ZNF107: variants seen among roughly 807,000 people sequenced by gnomAD.
ZNF107 encodes C2H2 type zinc-finger protein.
In ZNF107, 19 loss-of-function variants were observed where a neutral mutation model predicts 12.3. That is an observed-to-expected ratio of 1.55 (90% confidence interval 1.08 to 2.27). The LOEUF (loss-of-function observed/expected upper bound fraction) is 2.27, where lower values mean the gene tolerates loss of function less well. ZNF107 is among the 30% of genes most tolerant of loss of function. The pLI is 0.00. For synonymous variants in ZNF107, 317 were observed against 330.5 expected (o/e 0.96, Z 0.44); for missense variants, 958 against 979.9 (o/e 0.98, Z 0.30).
chr7:64,706,956 TATG>T lies in ZNF107; in HGVS notation c.861_863del (p.Tyr287_Glu288delinsTer). On this transcript the variant is annotated stop_gained and inframe_deletion, in exon 4 of 4. Transcript: ENST00000620827. LOFTEE classifies it low-confidence loss of function (END_TRUNC). Reference sequence around the variant, plus strand: ...TCATACTGGAGAAAAACCTTACAAATATGAAGAATGTGGCAAAGTCTTTAGCCA... The same window carrying T: ...TCATACTGGAGAAAAACCTTACAAATAAGAATGTGGCAAAGTCTTTAGCCA... 6.2e-7 allele frequency: 1 copy of T among 1,613,374 alleles called. No homozygotes were observed. The highest frequency in any genetic ancestry group is 8.5e-7 in the Non-Finnish European group (1 of 1,179,718).
At chr7:64,666,561 C>T (rs1057303460) in intron 1 of ZNF107, among the ~76,000 whole-genome samples, 3 of 152,190 alleles carry the variant, frequency 2.0e-5, no homozygotes, top group Admixed American at 6.5e-5. Context: ...GGAGCCCTCT[C>T]CGGGCGGCTT....
rs761310625 is a variant in ZNF107, at chr7:64,706,687, G to C, written c.590G>C (p.Arg197Thr). 1 of 1,612,924 alleles carries C rather than the reference G, an allele frequency of 6.2e-7. No homozygotes were observed. The highest frequency in any genetic ancestry group is 8.5e-7 in the Non-Finnish European group (1 of 1,179,548). ...ACTCAGCATAGAAGAATTCATACTA[G>C]AGTGAATTCCTACAAATGTGAAGAA... ...QLTQHRRIHT[R>T]VNSYKCEECG... The change falls in exon 4 of 4, where the codon AGA becomes ACA. Residue 197 changes from arginine (R) to threonine (T), a missense_variant. Arg to Thr is a moderately conservative substitution (Grantham distance 71). Coordinates refer to ENST00000620827, the MANE Select transcript of ZNF107 (RefSeq NM_001282359.2).
At position 64,707,225 on chromosome 7, in the gene ZNF107, A is replaced by T. The variant is rs768343487; in HGVS notation, c.1128A>T (p.Lys376Asn). 6.2e-7 allele frequency: 1 copy of T among 1,613,474 alleles called. No homozygotes were observed. The highest frequency in any genetic ancestry group is 8.5e-7 in the Non-Finnish European group (1 of 1,179,728). ...GKLNKCEECDKAFNRSLKLTA... is the reference protein window; with the variant it reads ...GKLNKCEECDNAFNRSLKLTA... ...TCAACAAATGTGAAGAATGTGACAAAGCTTTTAACCGATCCTTAAAACTTA... is the reference window on the plus strand; with the variant it reads ...TCAACAAATGTGAAGAATGTGACAATGCTTTTAACCGATCCTTAAAACTTA... Residue 376 changes from lysine (K) to asparagine (N), a missense_variant, in exon 4 of 4, where the codon AAA (lysine) becomes AAT (asparagine). Physicochemically the swap from Lys to Asn is moderately conservative, Grantham distance 94. Transcript: ENST00000620827.
chr7:64,692,046 T>C, intron 3 of ZNF107, 86 bp downstream of exon 3: 1 of 928,748 alleles, frequency 1.1e-6, no homozygotes, highest in Non-Finnish European at 1.5e-6. Flanking sequence ...AAATATGATT[T>C]GGGAAGCTGT....
At chr7:64,696,925 G>A (rs550954947) in intron 3 of ZNF107, among the ~76,000 whole-genome samples, 4 of 152,016 alleles carry the variant, frequency 2.6e-5, no homozygotes, top group East Asian at 3.9e-4. Context: ...CCAGTAACTC[G>A]TCATTTACAT....
Position 64,707,866 on chromosome 7 carries a change from A to G in ZNF107, c.1769A>G (p.Glu590Gly), listed in dbSNP as rs374371124. Residue 590 changes from glutamate (E) to glycine (G), a missense_variant, in exon 4 of 4, where the codon GAG becomes GGG. By Grantham distance (98) the Glu-to-Gly change is moderately conservative. Coordinates refer to ENST00000620827, the MANE Select transcript of ZNF107 (RefSeq NM_001282359.2). Reference sequence around the variant, plus strand: ...AGACATAAGATAGTTCATACTAAAGAGAAACTCAACAAATGTGAAGAATTT... The same window carrying G: ...AGACATAAGATAGTTCATACTAAAGGGAAACTCAACAAATGTGAAGAATTT... ...LTRHKIVHTK[E>G]KLNKCEEFGK... 7.4e-6 allele frequency: 12 copies of G among 1,613,628 alleles called. No homozygotes were observed. The African/African-American group carries it at 1.6e-4, about 22-fold the overall frequency.
rs1375536793 is a variant in ZNF107, at chr7:64,707,635, A to G, written c.1538A>G (p.Glu513Gly). The part of the protein sequence containing the change: ...HTGEKPYKCE[E>G]CDRAFSQSSN... ...GGAGAGAAACCCTACAAATGTGAAGAATGTGACAGAGCTTTTAGCCAGTCT... is the reference window on the plus strand; with the variant it reads ...GGAGAGAAACCCTACAAATGTGAAGGATGTGACAGAGCTTTTAGCCAGTCT... The change falls in exon 4 of 4, where the codon GAA (glutamate) becomes GGA (glycine). Residue 513 changes from glutamate to glycine, a missense_variant. By Grantham distance (98) the Glu-to-Gly change is moderately conservative. Transcript: ENST00000620827. The G allele has an allele frequency of 1.2e-6, 2 of 1,613,014 alleles. No homozygotes were observed. The highest frequency in any genetic ancestry group is 2.7e-5 in the African/African-American group (2 of 74,904).
chr7:64,694,817 A>G (rs1790233098), intron 3 of ZNF107, among the ~76,000 whole-genome samples: 1 of 152,134 alleles, frequency 6.6e-6, no homozygotes, highest in African/African-American at 2.4e-5. Flanking sequence ...AAATTTGTCT[A>G]TAACTTCAGA....
At chr7:64,701,628 A>G (rs942151988) in intron 3 of ZNF107, among the ~76,000 whole-genome samples, 6 of 151,230 alleles carry the variant, frequency 4.0e-5, no homozygotes, top group African/African-American at 1.5e-4. Context: ...TTACTTACTC[A>G]TTCATATTTA....
At chr7:64,667,713 CCT>C (rs1336806588) in intron 1 of ZNF107, among the ~76,000 whole-genome samples, 1 of 152,028 alleles carries the variant, frequency 6.6e-6, no homozygotes, top group Non-Finnish European at 1.5e-5. Flanking sequence ...TGGAGTGTAG[CCT>C]CTCAAGGGAG....
rs1170828103 is a variant in ZNF107, at chr7:64,706,728, A to C, written c.631A>C (p.Asn211His). Residue 211 changes from asparagine (N) to histidine (H), a missense_variant, in exon 4 of 4, where the codon AAC becomes CAC. Transcript: ENST00000620827. ...YKCEECGKAF[N>H]WFSTLTKHKR... ...ATGTGAAGAATGTGGAAAAGCCTTT[A>C]ACTGGTTCTCAACTCTTACTAAACA... 1 of 1,612,688 alleles carries C rather than the reference A, an allele frequency of 6.2e-7. No homozygotes were observed. Among genetic ancestry groups the C allele is most frequent in the Admixed American group, 1.7e-5 (1 of 59,844 alleles).
chr7:64,702,222 C>G (rs894419165), intron 3 of ZNF107, among the ~76,000 whole-genome samples: 10 of 151,574 alleles, frequency 6.6e-5, no homozygotes, highest in African/African-American at 2.4e-4. Flanking sequence ...GATCTCGGCT[C>G]ACTGCAACCT....
In ZNF107 at chr7:64,708,652, C is replaced by T. The variant is rs780376127; in HGVS notation, c.2555C>T (p.Thr852Ile). The change falls in exon 4 of 4, where the codon ACT becomes ATT. Residue 852 changes from threonine (T) to isoleucine (I), a missense_variant. Physicochemically the swap from Thr to Ile is moderately conservative, Grantham distance 89. Coordinates refer to ENST00000620827, the MANE Select transcript of ZNF107 (RefSeq NM_001282359.2). ...EKPYKCEYGK[T>I] The stretch of plus-strand genomic sequence containing the variant: ...CCCTACAAATGTGAGTATGGCAAAA[C>T]TTAATTGATCCTACAAGCTTACTAC... 7.5e-6 allele frequency: 12 copies of T among 1,591,370 alleles called. No homozygotes were observed. Among genetic ancestry groups the T allele is most frequent in the East Asian group, 2.3e-5 (1 of 44,282 alleles).
intron 1 of ZNF107, among the ~76,000 whole-genome samples, chr7:64,677,670 G>A (rs1181674636): frequency 2.0e-5 from 3 of 151,328 alleles, no homozygotes; most frequent in African/African-American, 7.3e-5. Context: ...TGGCTAACAC[G>A]GTGAAACCCT....
At chr7:64,681,520 A>C in intron 1 of ZNF107, among the ~76,000 whole-genome samples, 1 of 151,266 alleles carries the variant, frequency 6.6e-6, no homozygotes, top group African/African-American at 2.4e-5. Context: ...CCAACCCTTC[A>C]CCATCCCCAC....
chr7:64,687,069 A>T (rs1427063354), intron 1 of ZNF107: 7 of 985,270 alleles, frequency 7.1e-6, no homozygotes, highest in Non-Finnish European at 8.4e-6. Context: ...TTGTTCAATC[A>T]TATCTAATCT....
At position 64,666,155 on chromosome 7, in the gene ZNF107, G is replaced by C; in HGVS notation, c.-128G>C. 1 of 1,303,362 alleles carries C rather than the reference G, an allele frequency of 7.7e-7. No individual in the cohort carries two copies. 80.7% of individuals were successfully genotyped at this position (1,303,362 alleles called of 1,614,324 possible). A position where few individuals can be genotyped will look rare whatever the true frequency, so the allele number is the denominator to read the frequency against. ...GGGGCCTTTGTCTCTGGCTGCAGCC[G>C]GAGCTCCTGCTCTCCTCCTCACTGC... On this transcript the variant is annotated 5_prime_UTR_variant, in exon 1 of 4. Coordinates refer to ENST00000620827, the MANE Select transcript of ZNF107 (RefSeq NM_001282359.2).
Position 64,692,480 on chromosome 7 carries a change from A to T in ZNF107, c.226+520A>T, listed in dbSNP as rs372676493. 1.6e-4 allele frequency among the ~76,000 whole-genome samples: 25 copies of T among 152,230 alleles called. No individual in the cohort carries two copies. In the East Asian group the frequency reaches 4.4e-3, roughly 27 times the overall value. ...TTCTTCTGCTTTGTTCTTTTTTCAC[A>T]AAATTGCTTTGGCTCTTCAAAGTTT... On this transcript the variant is annotated intron_variant, in intron 3 of 3. Coordinates refer to ENST00000620827, the MANE Select transcript of ZNF107 (RefSeq NM_001282359.2).
intron 1 of ZNF107, among the ~76,000 whole-genome samples, chr7:64,688,390 G>T (rs183132360): frequency 1.7e-3 from 257 of 151,708 alleles, no homozygotes; most frequent in African/African-American, 5.8e-3. Flanking sequence ...CTGAGTAGCT[G>T]GGATTACAAG....
Sources: allele counts gnomAD v4.1 joint callset (sites outside exome capture counted in the v4.1 genomes callset), GRCh38; gene constraint gnomAD v4.1.1; transcripts MANE v1.5; gene names NCBI Gene and HGNC (gene_info 2026-07-23, HGNC 2026-07-21).